Variants in ACYP2 observed in about 807,000 individuals in gnomAD.
The protein encoded by ACYP2 is acylphosphatase 2.
ACYP2 carries 12 observed loss-of-function variants against 11.2 expected under a neutral mutation model. The ratio of observed to expected loss-of-function variants is 1.08; its 90% CI spans 0.69 to 1.74. ACYP2 has a LOEUF of 1.74. ACYP2 is among the 40% of genes most tolerant of loss of function. ACYP2 has a pLI of 0.00. For synonymous variants in ACYP2, 43 were observed against 32.2 expected (o/e 1.33, Z -1.13); for missense variants, 134 against 101.9 (o/e 1.31, Z -1.35).
intron 2 of ACYP2, among the ~76,000 whole-genome samples, chr2:53,985,254 A>T (rs969711049): frequency 1.3e-5 from 2 of 152,156 alleles, no homozygotes; most frequent in Middle Eastern, 3.4e-3. Context: ...TATTTTTAAT[A>T]GAGACAGGGT....
At position 54,245,048 on chromosome 2, in the gene ACYP2, A is replaced by G. The variant is rs1408709604; in HGVS notation, c.405-59640A>G. On this transcript the variant is annotated intron_variant, in intron 6 of 6. Transcript: ENST00000607452. ...CATCTTCCCCTTCCCCCATCTCCCTATCCTCTAGTAACTTCTTTTCTACTT... is the reference window on the plus strand; with the variant it reads ...CATCTTCCCCTTCCCCCATCTCCCTGTCCTCTAGTAACTTCTTTTCTACTT... Among the ~76,000 whole-genome samples, 7 of 151,904 alleles carry G rather than the reference A, an allele frequency of 4.6e-5. No homozygotes were observed. The East Asian group carries it at 1.2e-3, about 25-fold the overall frequency.
chr2:54,261,768 AAT>A (rs1268594037), intron 6 of ACYP2, among the ~76,000 whole-genome samples: 5 of 152,244 alleles, frequency 3.3e-5, no homozygotes, highest in Admixed American at 2.6e-4. Flanking sequence ...GCCTGAATAC[AAT>A]ATGTTACTTT....
intron 4 of ACYP2, among the ~76,000 whole-genome samples, chr2:54,077,583 G>A (rs1221997094): frequency 6.6e-6 from 1 of 152,214 alleles, no homozygotes; most frequent in Non-Finnish European, 1.5e-5. Flanking sequence ...TCTGAGAAGA[G>A]GAAGTGGTAA....
Position 54,305,294 on chromosome 2 carries a change from T to C in ACYP2, c.*492T>C, listed in dbSNP as rs17045807. On this transcript the variant is annotated 3_prime_UTR_variant, in exon 7 of 7. Coordinates refer to ENST00000607452, the MANE Select transcript of ACYP2 (RefSeq NM_001320586.2). The stretch of plus-strand genomic sequence containing the variant: ...CCATAAAATATTATCAACAAAGAGT[T>C]TTAAAATTCTGGTTAATGTGAACAT... The C allele has an allele frequency of 0.1, 15,648 of 152,378 alleles. 961 individuals carry two copies. The highest frequency in any genetic ancestry group is 0.21 in the East Asian group (1,076 of 5,192). The allele number at this position is 152,378 out of a possible 1,614,324, so 9.4% of individuals were successfully genotyped here. A position where few individuals can be genotyped will look rare whatever the true frequency, so the allele number is the denominator to read the frequency against.
chr2:54,114,324 A>C (rs1679617989), intron 4 of ACYP2, among the ~76,000 whole-genome samples: 1 of 151,784 alleles, frequency 6.6e-6, no homozygotes, highest in South Asian at 2.1e-4. Context: ...CAGGAAATAA[A>C]ATTCAGCCTT....
At chr2:54,074,412 A>G (rs1028634001) in intron 4 of ACYP2, among the ~76,000 whole-genome samples, 1 of 152,214 alleles carries the variant, frequency 6.6e-6, no homozygotes, top group Non-Finnish European at 1.5e-5. Context: ...AACCTGGACA[A>G]TACAATGAGA....
chr2:54,024,411 C>G (rs1674166863), intron 2 of ACYP2, among the ~76,000 whole-genome samples: 1 of 152,124 alleles, frequency 6.6e-6, no homozygotes, highest in Non-Finnish European at 1.5e-5. Context: ...GGTTTCATAC[C>G]AGGGATGCAG....
At chr2:54,050,044 C>T (rs1257268394) in intron 2 of ACYP2, among the ~76,000 whole-genome samples, 1 of 152,172 alleles carries the variant, frequency 6.6e-6, no homozygotes, top group Admixed American at 6.5e-5. Flanking sequence ...GCGTGTATTT[C>T]TGTGTACAGC....
chr2:54,123,796 C>T (rs933109141), intron 4 of ACYP2, among the ~76,000 whole-genome samples: 1 of 152,140 alleles, frequency 6.6e-6, no homozygotes, highest in African/African-American at 2.4e-5. Context: ...AATACCCCGA[C>T]ATGGAGAAAC....
intron 6 of ACYP2, among the ~76,000 whole-genome samples, chr2:54,285,148 C>G (rs757262475): frequency 6.6e-6 from 1 of 152,186 alleles, no homozygotes; most frequent in Non-Finnish European, 1.5e-5. Context: ...CTTGGGCCCT[C>G]TTTTATAAGG....
chr2:54,000,612 G>A (rs764648196), intron 2 of ACYP2, among the ~76,000 whole-genome samples: 1 of 152,176 alleles, frequency 6.6e-6, no homozygotes, highest in Admixed American at 6.5e-5. Context: ...CATTAATTGA[G>A]AAGTGACAGA....
chr2:54,219,080 G>C (rs910968890), intron 6 of ACYP2, among the ~76,000 whole-genome samples: 2 of 152,130 alleles, frequency 1.3e-5, no homozygotes, highest in Non-Finnish European at 1.5e-5. Flanking sequence ...GGCATGATAT[G>C]ATACATGTGA....
At chr2:54,289,276 C>A (rs558312073) in intron 6 of ACYP2, among the ~76,000 whole-genome samples, 2 of 151,950 alleles carry the variant, frequency 1.3e-5, no homozygotes, top group South Asian at 4.2e-4. Flanking sequence ...TTGATGACGT[C>A]CTCTTATTTG....
At chr2:54,163,617 G>T (rs113719854) in intron 6 of ACYP2, among the ~76,000 whole-genome samples, 1 of 152,180 alleles carries the variant, frequency 6.6e-6, no homozygotes, top group African/African-American at 2.4e-5. Flanking sequence ...CACTTTGGGA[G>T]GCCTAGGGGG....
chr2:54,115,332 G>A (rs1679686289), intron 4 of ACYP2: 3 of 495,866 alleles, frequency 6.1e-6, no homozygotes, highest in Non-Finnish European at 1.1e-5. Flanking sequence ...AAAGCTGGGG[G>A]AAGCCACTCT....
chr2:53,981,685 A>G (rs1283562978), intron 2 of ACYP2, among the ~76,000 whole-genome samples: 1 of 152,118 alleles, frequency 6.6e-6, no homozygotes, highest in African/African-American at 2.4e-5. Context: ...CTTTAGATTT[A>G]GTTCTAGGAA....
chr2:54,133,432 T>G (rs1243315541), intron 4 of ACYP2, among the ~76,000 whole-genome samples: 1 of 152,218 alleles, frequency 6.6e-6, no homozygotes, highest in Non-Finnish European at 1.5e-5. Flanking sequence ...TTTTTTTTTC[T>G]GTCATTTGGC....
chr2:54,249,250 G>C (rs940893294), intron 6 of ACYP2, among the ~76,000 whole-genome samples: 1 of 152,066 alleles, frequency 6.6e-6, no homozygotes, highest in Non-Finnish European at 1.5e-5. Flanking sequence ...GAGGTATTAA[G>C]GTGAGAATAG....
At chr2:54,296,760 G>A (rs142452132) in intron 6 of ACYP2, among the ~76,000 whole-genome samples, 28 of 152,288 alleles carry the variant, frequency 1.8e-4, no homozygotes, top group African/African-American at 6.3e-4. Flanking sequence ...ATATTAGAGT[G>A]AAGAGGGACA....
Sources: gnomAD v4.1 joint callset for allele counts (sites outside exome capture counted in the v4.1 genomes callset) on GRCh38, gnomAD v4.1.1 for gene constraint, MANE v1.5 for transcripts, NCBI Gene and HGNC (gene_info 2026-07-23, HGNC 2026-07-21) for gene names.